DCAF5: variants seen among roughly 807,000 people sequenced by gnomAD.
DCAF5 encodes the protein DDB1 and CUL4 associated factor 5, also known as DDB1- and CUL4-associated factor 5.
Under a neutral mutation model 80.7 loss-of-function variants are expected in DCAF5, and 9 were observed. The ratio of observed to expected loss-of-function variants is 0.11; its 90% confidence interval spans 0.07 to 0.19. The LOEUF (loss-of-function observed/expected upper bound fraction) is 0.19. Ranked by LOEUF, DCAF5 falls within the 10% of genes least tolerant of loss-of-function variation. DCAF5 has a pLI of 1.00. For missense variants in DCAF5, 842 were observed against 1,205.7 expected, an observed-to-expected ratio of 0.70 and a Z score of 4.47; for synonymous variants, 433 against 461.9, an observed-to-expected ratio of 0.94 and a Z score of 0.80.
chr14:69,104,437 G>A (rs528222171), intron 5 of DCAF5, among the ~76,000 whole-genome samples: 2 of 152,028 alleles, frequency 1.3e-5, no homozygotes, highest in African/African-American at 4.8e-5. Flanking sequence ...CCAATTCATG[G>A]GAAAAACCTG....
At position 69,152,939 on chromosome 14, in the gene DCAF5, C is replaced by A. The variant is rs1473213811; in HGVS notation, c.40G>T (p.Val14Leu). 6.2e-7 allele frequency: 1 copy of A among 1,613,258 alleles called. No individual in the cohort carries two copies. The highest frequency in any genetic ancestry group is 2.2e-5 in the East Asian group (1 of 44,836). ...CCCCGCTGGGACAAGAAGCCCACCA[C>A]TGACCTCATGCTGCCCCCCAGGCCA... ...RAGLGGSMRS[V>L]VGFLSQRGLH... is the part of the protein sequence containing the mutation. The change falls in exon 1 of 9, where the codon GTG becomes TTG. Residue 14 changes from valine to leucine, a missense_variant. By Grantham distance (32) the Val-to-Leu change is conservative. Around this residue, in one of 5 missense-constraint regions of DCAF5, gnomAD observed 28 missense variants for 28.7 expected, o/e 0.98. Transcript: ENST00000341516. This position sits in a 1 kb window ranked among gnomAD's most constrained non-coding sequence, Gnocchi z 4.1.
At chr14:69,103,852 G>A (rs553410770) in intron 5 of DCAF5, among the ~76,000 whole-genome samples, 1 of 152,280 alleles carries the variant, frequency 6.6e-6, no homozygotes, top group Admixed American at 6.5e-5. Flanking sequence ...TACATAAGTG[G>A]AATTATGCAG....
At chr14:69,095,977 C>A (rs1256423719) in intron 5 of DCAF5, among the ~76,000 whole-genome samples, 1 of 152,140 alleles carries the variant, frequency 6.6e-6, no homozygotes, top group African/African-American at 2.4e-5. Flanking sequence ...AAGGTCCTTT[C>A]TATGGGAGAA....
At position 69,132,705 on chromosome 14, in the gene DCAF5, T is replaced by C. The variant is rs2041076932; in HGVS notation, c.215-10345A>G. Among the ~76,000 whole-genome samples the C allele has an allele frequency of 2.6e-5, 4 of 151,414 alleles. No homozygotes were observed. The South Asian group carries it at 8.3e-4, about 31-fold the overall frequency. Reference sequence around the variant, plus strand: ...GTGATTAGACCTATTTTAGAGGTGATATAATGTGGGGCAGCATAGCACAGC... The same window carrying C: ...GTGATTAGACCTATTTTAGAGGTGACATAATGTGGGGCAGCATAGCACAGC... On this transcript the variant is annotated intron_variant, in intron 1 of 8. Transcript: ENST00000341516.
intron 5 of DCAF5, among the ~76,000 whole-genome samples, chr14:69,098,888 G>C (rs1212429285): frequency 1.3e-5 from 1 of 74,484 alleles, no homozygotes; most frequent in African/African-American, 5.4e-5. Context: ...GCGAGACTCT[G>C]TCTCCAAAAA....
At position 69,119,704 on chromosome 14, in the gene DCAF5, C is replaced by G. The variant is rs561615460; in HGVS notation, c.359-474G>C. On this transcript the variant is annotated intron_variant, in intron 2 of 8. Coordinates refer to ENST00000341516, the MANE Select transcript of DCAF5 (RefSeq NM_003861.3). ...CCTGGGCAACAGAGAGAGACTGTCT[C>G]AAAAAAAAAAAAAAAGTAGGGGGGA... Among the ~76,000 whole-genome samples the G allele has an allele frequency of 1.5e-3, 209 of 139,982 alleles. 5 individuals carry two copies. The South Asian group carries it at 0.029, about 20-fold the overall frequency. The allele number at this position is 139,982 out of a possible 152,430, so 91.8% of individuals were successfully genotyped here.
chr14:69,077,319 C>T (rs1365576286), intron 6 of DCAF5, among the ~76,000 whole-genome samples: 1 of 151,856 alleles, frequency 6.6e-6, no homozygotes. Flanking sequence ...CCTCCTGCTT[C>T]AGCCTCCCCA....
chr14:69,055,380 T>C lies in DCAF5; in HGVS notation c.1306A>G (p.Ser436Gly), dbSNP rs764246328. The part of the protein sequence containing the change: ...EIEGWSSDSD[S>G]DLSESTILQL... ...AGGATAGTACTCTCACTGAGGTCAC[T>C]GTCTGAGTCAGAGCTCCAGCCCTCG... is the stretch of plus-strand genomic sequence containing the variant. The change falls in exon 9 of 9, where the codon AGT becomes GGT. Residue 436 changes from serine (S) to glycine (G), a missense_variant. Around this residue, in one of 5 missense-constraint regions of DCAF5, gnomAD observed 607 missense variants for 656.6 expected, o/e 0.92. Transcript: ENST00000341516. The surrounding 1 kb of genome is among the most constrained non-coding windows in gnomAD (Gnocchi z 5.6). 2 of 1,614,192 alleles carry C rather than the reference T, an allele frequency of 1.2e-6. No individual in the cohort carries two copies. The highest frequency in any genetic ancestry group is 1.7e-6 in the Non-Finnish European group (2 of 1,180,028).
At chr14:69,101,239 C>T (rs562255898) in intron 5 of DCAF5, among the ~76,000 whole-genome samples, 4 of 152,220 alleles carry the variant, frequency 2.6e-5, no homozygotes, top group African/African-American at 7.2e-5. Flanking sequence ...CAGCATCAGA[C>T]TGCAATGCAT....
chr14:69,122,363 TAAG>T lies in DCAF5; in HGVS notation c.215-6_215-4del. The T allele has an allele frequency of 6.2e-7, 1 of 1,609,186 alleles. No homozygotes were observed. The highest frequency in any genetic ancestry group is 8.5e-7 in the Non-Finnish European group (1 of 1,176,144). On this transcript the variant is annotated splice_region_variant and splice_polypyrimidine_tract_variant and intron_variant, in intron 1 of 8. Transcript: ENST00000341516. ...CAGAACCCGGCGGTCATCTCCTCCT[TAAG>T]AAGGAAATAAGAATCTGTGCTTAAA... is the stretch of plus-strand genomic sequence containing the variant.
chr14:69,056,808 T>C (rs1166266301), intron 8 of DCAF5, among the ~76,000 whole-genome samples: 2 of 152,118 alleles, frequency 1.3e-5, no homozygotes, highest in Non-Finnish European at 2.9e-5. Flanking sequence ...TGAGAGGTGG[T>C]ATCTCTGCAG....
At chr14:69,125,693 T>G (rs1311653376) in intron 1 of DCAF5, among the ~76,000 whole-genome samples, 1 of 152,138 alleles carries the variant, frequency 6.6e-6, no homozygotes, top group Non-Finnish European at 1.5e-5. Context: ...AAAATTCCAC[T>G]GGAATATAAA....
At position 69,054,021 on chromosome 14, in the gene DCAF5, C is replaced by T. The variant is rs773822684; in HGVS notation, c.2665G>A (p.Ala889Thr). 7 of 1,612,536 alleles carry T rather than the reference C, an allele frequency of 4.3e-6. No homozygotes were observed. Among genetic ancestry groups the T allele is most frequent in the South Asian group, 2.2e-5 (2 of 90,952 alleles). Residue 889 changes from alanine (A) to threonine (T), a missense_variant, in exon 9 of 9, where the codon GCC (alanine) becomes ACC (threonine). This residue lies in a region of DCAF5 where 607 missense variants were observed against 656.6 expected (regional missense o/e 0.92). Transcript: ENST00000341516. ...LHKDCCGSEM[A>T]CETPNAGTRE... ...GTTCCAGCATTGGGGGTCTCACAGG[C>T]CATTTCAGACCCGCAACAATCTTTG...
intron 1 of DCAF5, among the ~76,000 whole-genome samples, chr14:69,148,510 C>A (rs574133260): frequency 1.3e-5 from 2 of 152,236 alleles, no homozygotes; most frequent in South Asian, 4.1e-4. Flanking sequence ...GCCTGGCCAA[C>A]ATGGTGAAAC....
rs188795662 is a variant in DCAF5 at position 69,052,565 on chromosome 14, A to C, written c.*1292T>G. On this transcript the variant is annotated 3_prime_UTR_variant, in exon 9 of 9. Transcript: ENST00000341516. The stretch of plus-strand genomic sequence containing the variant: ...CTTCATAGATAACCGAGTGACTGCA[A>C]CGCTGAAAATCTGTTGCTCTTTTCT... The C allele has an allele frequency of 6.6e-6, 1 of 152,666 alleles. No individual in the cohort carries two copies. The allele number at this position is 152,666 out of a possible 1,614,324, so 9.5% of individuals were successfully genotyped here. A position where few individuals can be genotyped will look rare whatever the true frequency, so the allele number is the denominator to read the frequency against.
chr14:69,087,554 T>A (rs2039382558), intron 6 of DCAF5, among the ~76,000 whole-genome samples: 1 of 152,248 alleles, frequency 6.6e-6, no homozygotes, highest in Non-Finnish European at 1.5e-5. Context: ...TTTTGTCACC[T>A]GATCTGATGC....
At chr14:69,102,569 TTTTTA>T (rs1264870919) in intron 5 of DCAF5, among the ~76,000 whole-genome samples, 3 of 106,162 alleles carry the variant, frequency 2.8e-5, no homozygotes, top group East Asian at 7.7e-4. Flanking sequence ...CTTTTTAAAC[TTTTTA>T]TTTTGTTAAA....
At chr14:69,060,556 G>A (rs1222158956) in intron 8 of DCAF5, among the ~76,000 whole-genome samples, 2 of 151,364 alleles carry the variant, frequency 1.3e-5, no homozygotes, top group African/African-American at 4.9e-5. Context: ...TTTGGAGACA[G>A]AGTCTCGCTT....
chr14:69,091,979 G>A (rs1168299738), intron 5 of DCAF5, 92 bp from the exon 6 acceptor site: 2 of 1,058,570 alleles, frequency 1.9e-6, no homozygotes, highest in Non-Finnish European at 2.8e-6. Flanking sequence ...TGTCAAGCTT[G>A]CATAGCTGAA....
Sources: allele counts gnomAD v4.1 joint callset (sites outside exome capture counted in the v4.1 genomes callset), GRCh38; gene constraint gnomAD v4.1.1; regional missense constraint gnomAD v4.1.1; non-coding constraint Gnocchi (gnomAD v3.1); transcripts MANE v1.5; gene names NCBI Gene and HGNC (gene_info 2026-07-23, HGNC 2026-07-21).